The following ELAVL4 variants were observed in gnomAD, a reference collection of about 807,000 sequenced individuals.
ELAVL4 encodes the protein ELAV-like protein 4.
A neutral mutation model predicts 35.6 loss-of-function variants in ELAVL4; 1 was observed. The observed-to-expected ratio is 0.03, with a 90% CI of 0.01 to 0.13. The LOEUF (loss-of-function observed/expected upper bound fraction) is 0.13, where lower values mean the gene tolerates loss of function less well. Ranked by LOEUF, ELAVL4 falls within the 10% of genes least tolerant of loss-of-function variation. The probability of loss-of-function intolerance (pLI) is 1.00; values close to 1 mark genes in which losing one functional copy is unlikely to be tolerated. For synonymous variants in ELAVL4, 156 were observed against 171.0 expected (o/e 0.91, Z 0.69); for missense variants, 267 against 464.9 (o/e 0.57, Z 3.91).
At chr1:50,086,392 G>GA (rs1376255482) in intron 1 of ELAVL4, among the ~76,000 whole-genome samples, 1 of 150,962 alleles carries the variant, frequency 6.6e-6, no homozygotes, top group African/African-American at 2.4e-5. Context: ...GTTTGGCTTT[G>GA]AAAAAAATAG....
upstream of ELAVL4, among the ~76,000 whole-genome samples, chr1:50,105,079 A>T (rs1050764538): frequency 6.6e-6 from 1 of 151,786 alleles, no homozygotes; most frequent in Non-Finnish European, 1.5e-5. Flanking sequence ...AATATTTTGT[A>T]TTTTTTTTCG....
At chr1:50,200,527 GGA>G in intron 6 of ELAVL4, among the ~76,000 whole-genome samples, 1 of 152,064 alleles carries the variant, frequency 6.6e-6, no homozygotes, top group East Asian at 1.9e-4. Flanking sequence ...GGGGTGGGGT[GGA>G]GTCAGGTTGG....
At chr1:50,197,358 T>G in intron 5 of ELAVL4, 71 bp from the exon 6 acceptor site, 1 of 1,439,974 alleles carries the variant, frequency 6.9e-7, no homozygotes, top group Non-Finnish European at 9.3e-7. Context: ...GGAGCATTCT[T>G]ATTAATAGTT....
intron 3 of ELAVL4, among the ~76,000 whole-genome samples, chr1:50,183,393 G>A (rs954447050): frequency 2.0e-5 from 3 of 152,070 alleles, no homozygotes; most frequent in African/African-American, 4.8e-5. Flanking sequence ...GCAGGCAGCC[G>A]GTGAGAGAAT....
intron 1 of ELAVL4, among the ~76,000 whole-genome samples, chr1:50,133,572 AAGAGAGAG>A (rs1196627702): frequency 6.7e-6 from 1 of 149,722 alleles, no homozygotes; most frequent in Non-Finnish European, 1.5e-5. Context: ...AAAAGAAAGA[AAGAGAGAG>A]AGAAAGAAAG....
chr1:50,190,169 G>T (rs1682449297), intron 3 of ELAVL4, among the ~76,000 whole-genome samples: 1 of 152,200 alleles, frequency 6.6e-6, no homozygotes, highest in African/African-American at 2.4e-5. Flanking sequence ...GATTCTGGAT[G>T]AATGAAGCAA....
chr1:50,089,315 G>GTTAA (rs1557695897), intron 1 of ELAVL4, among the ~76,000 whole-genome samples: 3 of 152,190 alleles, frequency 2.0e-5, no homozygotes, highest in Non-Finnish European at 4.4e-5. Context: ...AATTAAAGAT[G>GTTAA]TAAGGCATTG....
chr1:50,081,405 A>C (rs965030136), intron 1 of ELAVL4, among the ~76,000 whole-genome samples: 1 of 152,230 alleles, frequency 6.6e-6, no homozygotes, highest in South Asian at 2.1e-4. Flanking sequence ...CTAGATGCAC[A>C]CTAGCTTTCA....
chr1:50,118,682 C>T (rs560639486), intron 1 of ELAVL4, among the ~76,000 whole-genome samples: 1 of 151,934 alleles, frequency 6.6e-6, no homozygotes, highest in African/African-American at 2.4e-5. Context: ...AATTAATTCA[C>T]AAATTGTTCT....
intron 1 of ELAVL4, among the ~76,000 whole-genome samples, chr1:50,069,003 G>A (rs924920284): frequency 8.5e-5 from 13 of 152,160 alleles, no homozygotes; most frequent in African/African-American, 3.1e-4. Context: ...GAGAGAATAA[G>A]TATTTTACCC....
intron 1 of ELAVL4, among the ~76,000 whole-genome samples, chr1:50,062,083 A>G (rs138728506): frequency 6.6e-6 from 1 of 152,270 alleles, no homozygotes; most frequent in East Asian, 1.9e-4. Context: ...CCATTATGGT[A>G]TGTTGCCTTC....
At chr1:50,172,751 A>T (rs1480491546) in intron 2 of ELAVL4, among the ~76,000 whole-genome samples, 2 of 152,176 alleles carry the variant, frequency 1.3e-5, no homozygotes, top group East Asian at 3.8e-4. Context: ...CTGAACTTCA[A>T]TATCCACATC....
chr1:50,145,258 A>T lies in ELAVL4; in HGVS notation c.250+61A>T. The T allele has an allele frequency of 1.9e-6, 3 of 1,603,322 alleles. No individual in the cohort carries two copies. In the South Asian group the frequency reaches 3.4e-5, roughly 18 times the overall value. ...GATGTGCAGATCTTAGCAGAAATGCACATGTGTGATGGTGCACCTGAATGT... is the reference window on the plus strand; with the variant it reads ...GATGTGCAGATCTTAGCAGAAATGCTCATGTGTGATGGTGCACCTGAATGT... On this transcript the variant is annotated intron_variant, in intron 2 of 6. Transcript: ENST00000371824.
At chr1:50,194,718 T>C (rs1235674521) in intron 4 of ELAVL4, among the ~76,000 whole-genome samples, 1 of 152,158 alleles carries the variant, frequency 6.6e-6, no homozygotes, top group Admixed American at 6.5e-5. Flanking sequence ...CTAGAAGCTG[T>C]CAAGTGCCCC....
At chr1:50,165,364 G>T (rs1677563961) in intron 2 of ELAVL4, among the ~76,000 whole-genome samples, 1 of 151,732 alleles carries the variant, frequency 6.6e-6, no homozygotes, top group Non-Finnish European at 1.5e-5. Context: ...CATGTTAGCA[G>T]TGAGGCCTTA....
At chr1:50,138,804 G>A (rs1221953667) in intron 1 of ELAVL4, among the ~76,000 whole-genome samples, 1 of 152,042 alleles carries the variant, frequency 6.6e-6, no homozygotes, top group Non-Finnish European at 1.5e-5. Flanking sequence ...ACATAGAGAT[G>A]GAAAGTAGAA....
intron 2 of ELAVL4, among the ~76,000 whole-genome samples, chr1:50,160,830 A>G (rs1167806053): frequency 6.6e-6 from 1 of 152,196 alleles, no homozygotes; most frequent in East Asian, 1.9e-4. Context: ...GCCCTCTCAC[A>G]TAACTTATCC....
chr1:50,137,024 T>C (rs957274572), intron 1 of ELAVL4, among the ~76,000 whole-genome samples: 3 of 152,126 alleles, frequency 2.0e-5, no homozygotes, highest in African/African-American at 4.8e-5. Context: ...AATATCTAAA[T>C]GCAAAACAAT....
chr1:50,084,872 A>G (rs142570959), intron 1 of ELAVL4, among the ~76,000 whole-genome samples: 1 of 152,090 alleles, frequency 6.6e-6, no homozygotes, highest in East Asian at 1.9e-4. Context: ...ACTTACCATT[A>G]GTTCATTTTA....
Sources: allele counts gnomAD v4.1 joint callset (sites outside exome capture counted in the v4.1 genomes callset), GRCh38; gene constraint gnomAD v4.1.1; transcripts MANE v1.5; gene names NCBI Gene and HGNC (gene_info 2026-07-23, HGNC 2026-07-21).